The following FGF10 variants were observed in gnomAD, a reference collection of about 807,000 sequenced individuals.
The protein encoded by FGF10 is fibroblast growth factor 10, also known as FGF-10.
Under a neutral mutation model 19.8 loss-of-function variants are expected in FGF10, and 2 were observed. The ratio of observed to expected loss-of-function variants is 0.10; its 90% confidence interval spans 0.04 to 0.32. The LOEUF is 0.32. Ranked by LOEUF, FGF10 falls within the 10% of genes least tolerant of loss-of-function variation. The pLI is 1.00. For synonymous variants in FGF10, 112 were observed against 94.0 expected (o/e 1.19, Z -1.10); for missense variants, 191 against 246.3 (o/e 0.78, Z 1.50).
At chr5:44,322,248 A>T (rs1740511075) in intron 1 of FGF10, among the ~76,000 whole-genome samples, 1 of 152,172 alleles carries the variant, frequency 6.6e-6, no homozygotes. Flanking sequence ...CTAGTCAACA[A>T]ACTCAATCTG....
At chr5:44,376,490 CAAAAA>C (rs764913349) in intron 1 of FGF10, among the ~76,000 whole-genome samples, 3 of 34,550 alleles carry the variant, frequency 8.7e-5, no homozygotes, top group Admixed American at 4.4e-4. Context: ...ATACAAATGC[CAAAAA>C]AAAAAAAAAA....
intron 1 of FGF10, among the ~76,000 whole-genome samples, chr5:44,360,041 C>A (rs1481433384): frequency 1.3e-5 from 2 of 151,494 alleles, no homozygotes; most frequent in African/African-American, 4.8e-5. Flanking sequence ...AAATCATCCC[C>A]ATCCTGACAG....
chr5:44,314,099 G>C (rs2111701802), intron 1 of FGF10, among the ~76,000 whole-genome samples: 1 of 152,152 alleles, frequency 6.6e-6, no homozygotes, highest in Non-Finnish European at 1.5e-5. Flanking sequence ...GAGTCATGAA[G>C]GTTAAGAAGT....
intron 1 of FGF10, among the ~76,000 whole-genome samples, chr5:44,340,840 A>G (rs1231735025): frequency 1.3e-5 from 2 of 151,764 alleles, no homozygotes; most frequent in African/African-American, 2.4e-5. Context: ...AGAAAAAAAA[A>G]AAAGAAAAAA....
rs373893673 is a variant in FGF10 at position 44,313,016 on chromosome 5, A to C, written c.326-2486T>G. ...TCTGCTTTACCTGAAATGGGAGCAC[A>C]ATATTCAAAGACTCAATCAACCATT... is the stretch of plus-strand genomic sequence containing the variant. On this transcript the variant is annotated intron_variant, in intron 1 of 2. Transcript: ENST00000264664. 3.9e-5 allele frequency among the ~76,000 whole-genome samples: 6 copies of C among 152,188 alleles called. No individual in the cohort carries two copies. The East Asian group carries it at 9.7e-4, about 25-fold the overall frequency.
chr5:44,363,186 T>C (rs551238523), intron 1 of FGF10, among the ~76,000 whole-genome samples: 1 of 151,892 alleles, frequency 6.6e-6, no homozygotes, highest in South Asian at 2.1e-4. Flanking sequence ...ACCTCTAAAT[T>C]TCCTTCACTG....
At chr5:44,370,769 A>G (rs1741724240) in intron 1 of FGF10, among the ~76,000 whole-genome samples, 2 of 152,092 alleles carry the variant, frequency 1.3e-5, no homozygotes, top group Admixed American at 6.5e-5. Context: ...CAGTTTTAGA[A>G]TCTTATTTTT....
chr5:44,384,550 T>C (rs1350796042), intron 1 of FGF10, among the ~76,000 whole-genome samples: 3 of 152,130 alleles, frequency 2.0e-5, no homozygotes, highest in Non-Finnish European at 4.4e-5. Context: ...TTCTAATAAA[T>C]TGATATTAAT....
chr5:44,319,841 G>T (rs533377379), intron 1 of FGF10, among the ~76,000 whole-genome samples: 2 of 152,212 alleles, frequency 1.3e-5, no homozygotes, highest in Admixed American at 1.3e-4. Flanking sequence ...TAACTCAGGG[G>T]CCTCCAACCA....
Position 44,388,720 on chromosome 5 carries a change from G to T in FGF10, c.-38C>A. 6.2e-7 allele frequency: 1 copy of T among 1,605,950 alleles called. No homozygotes were observed. Among genetic ancestry groups the T allele is most frequent in the South Asian group, 1.1e-5 (1 of 90,770 alleles). On this transcript the variant is annotated 5_prime_UTR_variant, in exon 1 of 3. It adds an upstream start codon to the 5' untranslated region. Transcript: ENST00000264664. ...CTCGGCACTGGAAATTGTCTCATCA[G>T]AAGGAACATACTGGAAGGGTAAGAC... is the stretch of plus-strand genomic sequence containing the variant.
chr5:44,362,727 A>C (rs1410277815), intron 1 of FGF10, among the ~76,000 whole-genome samples: 1 of 151,638 alleles, frequency 6.6e-6, no homozygotes, highest in Non-Finnish European at 1.5e-5. Flanking sequence ...AATGTCTTGG[A>C]GATATCCTAT....
At position 44,304,069 on chromosome 5, in the gene FGF10, T is replaced by C. The variant is rs1174037468; in HGVS notation, c.*926A>G. On this transcript the variant is annotated 3_prime_UTR_variant, in exon 3 of 3. Transcript: ENST00000264664. ...TTGAGACAGGAAGCCTCGAGAGTAATATATGTTTTCAAATGATAGCAGACA... is the reference window on the plus strand; with the variant it reads ...TTGAGACAGGAAGCCTCGAGAGTAACATATGTTTTCAAATGATAGCAGACA... 1 of 152,136 alleles carries C rather than the reference T, an allele frequency of 6.6e-6. No homozygotes were observed. The highest frequency in any genetic ancestry group is 2.4e-5 in the African/African-American group (1 of 41,434). The allele number at this position is 152,136 out of a possible 1,614,324, so 9.4% of individuals were successfully genotyped here. A position where few individuals can be genotyped will look rare whatever the true frequency, so the allele number is the denominator to read the frequency against.
intron 1 of FGF10, among the ~76,000 whole-genome samples, chr5:44,318,524 G>T (rs547720590): frequency 3.3e-5 from 5 of 152,218 alleles, no homozygotes. Context: ...AAAATCCCAA[G>T]GGAATCTTTG....
chr5:44,362,674 G>T (rs1044407850), intron 1 of FGF10, among the ~76,000 whole-genome samples: 1 of 151,510 alleles, frequency 6.6e-6, no homozygotes, highest in African/African-American at 2.4e-5. Context: ...AATCTTATCT[G>T]CCCTTATAGA....
intron 1 of FGF10, among the ~76,000 whole-genome samples, chr5:44,364,720 G>T (rs189166023): frequency 6.6e-6 from 1 of 151,850 alleles, no homozygotes; most frequent in Non-Finnish European, 1.5e-5. Flanking sequence ...AATTGATGGC[G>T]TTATGGTGAA....
rs1554038147 is a variant in FGF10, at chr5:44,349,451, T to TATCAGA, written c.325+38906_325+38907insTCTGAT. Among the ~76,000 whole-genome samples the TATCAGA allele has an allele frequency of 4.7e-3, 79 of 16,702 alleles. 1 individual carries two copies. Among genetic ancestry groups the TATCAGA allele is most frequent in the African/African-American group, 7.5e-3 (49 of 6,532 alleles). The allele number at this position is 16,702 out of a possible 152,430, so 11.0% of individuals were successfully genotyped here. On this transcript the variant is annotated intron_variant, in intron 1 of 2. Coordinates refer to ENST00000264664, the MANE Select transcript of FGF10 (RefSeq NM_004465.2). ...ATATATATATATATATATATATATA[T>TATCAGA]ATATATATATATATATATCAGAATA...
At chr5:44,342,862 C>T (rs1740999839) in intron 1 of FGF10, among the ~76,000 whole-genome samples, 1 of 151,972 alleles carries the variant, frequency 6.6e-6, no homozygotes, top group Admixed American at 6.6e-5. Context: ...AAGTGAGTCT[C>T]TAGATTTTAT....
intron 1 of FGF10, among the ~76,000 whole-genome samples, chr5:44,340,483 T>C (rs549502755): frequency 1.3e-5 from 2 of 152,252 alleles, no homozygotes; most frequent in Admixed American, 1.3e-4. Context: ...AATGACATTA[T>C]ATGCAGCATG....
At chr5:44,387,548 T>C (rs1742131449) in intron 1 of FGF10, among the ~76,000 whole-genome samples, 1 of 152,192 alleles carries the variant, frequency 6.6e-6, no homozygotes, top group Non-Finnish European at 1.5e-5. Context: ...GCTGTAGTAG[T>C]ATGGCTCTGC....
Sources: allele counts gnomAD v4.1 joint callset (sites outside exome capture counted in the v4.1 genomes callset), GRCh38; gene constraint gnomAD v4.1.1; transcripts MANE v1.5; gene names NCBI Gene and HGNC (gene_info 2026-07-23, HGNC 2026-07-21).